The following RSRP1 variants were observed in gnomAD, a reference collection of about 807,000 sequenced individuals.
The protein encoded by RSRP1 is arginine and serine rich protein 1.
A neutral mutation model predicts 33.0 loss-of-function variants in RSRP1; 37 were observed. The ratio of observed to expected loss-of-function variants is 1.12; its 90% CI spans 0.86 to 1.48. RSRP1 has a LOEUF of 1.48. Ranked by LOEUF, RSRP1 falls within the 40% of genes most tolerant of loss-of-function variation. The pLI, the probability that RSRP1 is intolerant of heterozygous loss-of-function variation, is 0.00. For missense variants in RSRP1, 402 were observed against 385.3 expected (o/e 1.04, Z -0.36); for synonymous variants, 167 against 158.7 (o/e 1.05, Z -0.40).
At position 25,283,033 on chromosome 1, in the gene RSRP1, T is replaced by A. The variant is rs539315086; in HGVS notation, c.-66-36004A>T. On this transcript the variant is annotated intron_variant, in intron 1 of 1. Transcript: ENST00000561867. Reference sequence around the variant, plus strand: ...GATCTCTCTCTCTCCAGTCATTTATTCATGTGCGAAAACAGTTGGTGATTA... The same window carrying A: ...GATCTCTCTCTCTCCAGTCATTTATACATGTGCGAAAACAGTTGGTGATTA... 2.5e-4 allele frequency among the ~76,000 whole-genome samples: 34 copies of A among 133,512 alleles called. 9 individuals are homozygous for A. The highest frequency in any genetic ancestry group is 6.8e-4 in the South Asian group (3 of 4,404). 87.6% of individuals were successfully genotyped at this position (133,512 alleles called of 152,430 possible).
intron 1 of RSRP1, among the ~76,000 whole-genome samples, chr1:25,254,410 C>A (rs954229883): frequency 6.7e-6 from 1 of 150,004 alleles, no homozygotes; most frequent in African/African-American, 2.5e-5. Context: ...ATTACAGCCA[C>A]CATATAGAGA....
intron 1 of RSRP1, among the ~76,000 whole-genome samples, chr1:25,333,330 G>T (rs1645040971): frequency 7.7e-6 from 1 of 130,610 alleles, no homozygotes; most frequent in East Asian, 2.0e-4. Context: ...AAAAGTTAAG[G>T]AGAAAGAAGA....
At chr1:25,312,655 T>C (rs1644209176) in intron 1 of RSRP1, among the ~76,000 whole-genome samples, 1 of 126,404 alleles carries the variant, frequency 7.9e-6, no homozygotes, top group South Asian at 2.5e-4. Context: ...GAGGCTGAGG[T>C]GAGAGGATCA....
In RSRP1 at chr1:25,304,603, A is replaced by T. The variant is rs1643653878; in HGVS notation, c.-67+33375T>A. On this transcript the variant is annotated intron_variant, in intron 1 of 1. Coordinates refer to the RSRP1 transcript ENST00000561867. ...ACAGAACAAGACTCTGTCTTAAAAAAAAAAAAAGTGGTTTATATACAGAGT... is the reference window on the plus strand; with the variant it reads ...ACAGAACAAGACTCTGTCTTAAAAATAAAAAAAGTGGTTTATATACAGAGT... The T allele has an allele frequency of 1.5e-5, 2 of 131,336 alleles. 1 individual carries two copies. The highest frequency in any genetic ancestry group is 5.2e-5 in the African/African-American group (2 of 38,136). 8.1% of individuals were successfully genotyped at this position (131,336 alleles called of 1,614,324 possible).
chr1:25,330,634 C>A (rs3927483), intron 1 of RSRP1, among the ~76,000 whole-genome samples: 73,666 of 129,298 alleles, frequency 0.57, 29,923 homozygotes, highest in South Asian at 0.86. Flanking sequence ...TTGAAGCCAC[C>A]CTCCAAACAC....
At chr1:25,304,704 A>G (rs1643661553) in intron 1 of RSRP1, 1 of 132,288 alleles carries the variant, frequency 7.6e-6, no homozygotes, top group African/African-American at 2.6e-5. Flanking sequence ...GGTAATTAAA[A>G]AATAAAATTA....
rs1640557950 is a variant in RSRP1 at position 25,272,418 on chromosome 1, C to A, written c.-66-25389G>T. The A allele has an allele frequency of 5.6e-6, 7 of 1,256,054 alleles. 2 individuals are homozygous for A. The highest frequency in any genetic ancestry group is 3.3e-6 in the Non-Finnish European group (3 of 895,868). The allele number at this position is 1,256,054 out of a possible 1,614,324, so 77.8% of individuals were successfully genotyped here. A position where few individuals can be genotyped will look rare whatever the true frequency, so the allele number is the denominator to read the frequency against. On this transcript the variant is annotated intron_variant, in intron 1 of 1. Coordinates refer to the RSRP1 transcript ENST00000561867. ...AACTCCATAGAGAGGCCAGCACAAC[C>A]AGCCTTGCAGCCTGAGATAAGGCCT...
chr1:25,338,017 C>T (rs1645113505), exon 1 of RSRP1: 3 of 152,604 alleles, frequency 2.0e-5, no homozygotes, highest in African/African-American at 7.2e-5. Flanking sequence ...TCCTGCCACC[C>T]ACCCCTGAGA....
chr1:25,242,689 G>A lies in RSRP1; in HGVS notation c.773C>T (p.Pro258Leu), dbSNP rs1638944187. The A allele has an allele frequency of 6.2e-7, 1 of 1,605,816 alleles. No individual in the cohort carries two copies. The highest frequency in any genetic ancestry group is 2.2e-5 in the East Asian group (1 of 44,836). ...AFSSNNSVAK[P>L]IQKSAKAATE... ...GGCAGCTTTAGCTGATTTTTGTATT[G>A]GCTTTGCTACAGAATTCTGTAAAAG... The change falls in exon 5 of 5, where the codon CCA (proline) becomes CTA (leucine). Residue 258 changes from proline to leucine, a missense_variant. Coordinates refer to ENST00000243189, the MANE Select transcript of RSRP1 (RefSeq NM_020317.5).
chr1:25,245,417 C>T, intron 2 of RSRP1, 116 bp from the exon 3 acceptor site: 2 of 1,344,586 alleles, frequency 1.5e-6, no homozygotes, highest in Non-Finnish European at 2.0e-6. Context: ...TATTAAGTCA[C>T]TTGTTTTATA....
At position 25,322,393 on chromosome 1, in the gene RSRP1, C is replaced by T. The variant is rs142997120; in HGVS notation, c.-67+15585G>A. On this transcript the variant is annotated intron_variant, in intron 1 of 1. Coordinates refer to the RSRP1 transcript ENST00000561867. The stretch of plus-strand genomic sequence containing the variant: ...TGACTTATCAAGATCTTACAACTGG[C>T]TGGGCACGGTGGCTCACGCCTGTGA... Among the ~76,000 whole-genome samples, 166 of 133,282 alleles carry T rather than the reference C, an allele frequency of 1.2e-3. 45 individuals are homozygous for T. Among genetic ancestry groups the T allele is most frequent in the Non-Finnish European group, 2.7e-3 (149 of 56,046 alleles). The allele number at this position is 133,282 out of a possible 152,430, so 87.4% of individuals were successfully genotyped here.
At chr1:25,247,625 G>A (rs1431642549), upstream of RSRP1, 1 of 152,298 alleles carries the variant, frequency 6.6e-6, no homozygotes, top group Non-Finnish European at 1.5e-5. Flanking sequence ...GTGCGCATGC[G>A]CGATGGGGCT....
At position 25,307,403 on chromosome 1, in the gene RSRP1, T is replaced by C. The variant is rs1643905324; in HGVS notation, c.-67+30575A>G. Among the ~76,000 whole-genome samples the C allele has an allele frequency of 1.5e-5, 2 of 131,876 alleles. 1 individual carries two copies. The highest frequency in any genetic ancestry group is 5.2e-5 in the African/African-American group (2 of 38,324). 86.5% of individuals were successfully genotyped at this position (131,876 alleles called of 152,430 possible). ...ATGTTGTGTGAATATTTTCTGGACA[T>C]GGCTTATATAAAATGAAAAAGTGAA... On this transcript the variant is annotated intron_variant, in intron 1 of 1. Transcript: ENST00000561867.
At chr1:25,251,751 G>A (rs1030502393), upstream of RSRP1, among the ~76,000 whole-genome samples, 5 of 152,070 alleles carry the variant, frequency 3.3e-5, no homozygotes, top group East Asian at 5.8e-4. Context: ...ACAAGCTAAC[G>A]ATCATTCCCT....
chr1:25,296,970 T>G lies in RSRP1; in HGVS notation c.-67+41008A>C, dbSNP rs112588553. Among the ~76,000 whole-genome samples, 81 of 131,706 alleles carry G rather than the reference T, an allele frequency of 6.2e-4. 3 individuals carry two copies. The highest frequency in any genetic ancestry group is 1.9e-3 in the African/African-American group (73 of 38,070). The allele number at this position is 131,706 out of a possible 152,430, so 86.4% of individuals were successfully genotyped here. The stretch of plus-strand genomic sequence containing the variant: ...GGGGACATTCTCTTACATAACCTTT[T>G]TTCAGTTAACAAAAATGAGAAATTG... On this transcript the variant is annotated intron_variant, in intron 1 of 1. Transcript: ENST00000561867.
intron 1 of RSRP1, among the ~76,000 whole-genome samples, chr1:25,258,364 G>C (rs1640013679): frequency 6.6e-6 from 1 of 152,076 alleles, no homozygotes; most frequent in Non-Finnish European, 1.5e-5. Flanking sequence ...ATTTTTTGTA[G>C]AGATTGGGTT....
intron 1 of RSRP1, among the ~76,000 whole-genome samples, chr1:25,277,820 A>G (rs1316801581): frequency 8.1e-6 from 1 of 123,718 alleles, no homozygotes; most frequent in Admixed American, 7.9e-5. Flanking sequence ...GATTACAGGC[A>G]TGCGCCACCA....
chr1:25,246,502 C>G lies in RSRP1; in HGVS notation c.462G>C (p.Trp154Cys). The change falls in exon 2 of 5, where the codon TGG (tryptophan) becomes TGC (cysteine). Residue 154 changes from tryptophan to cysteine, a missense_variant. Trp to Cys is a radical substitution (Grantham distance 215, BLOSUM62 -2). Transcript: ENST00000243189. ...GCGACCTCGTCCTGGATCTGTCCCT[C>G]CATCTGCTGTGCTCCTCCGGGTACA... ...RTVYPEEHSR[W>C]RDRSRTRSRS... 1 of 1,614,264 alleles carries G rather than the reference C, an allele frequency of 6.2e-7. No individual in the cohort carries two copies. Among genetic ancestry groups the G allele is most frequent in the East Asian group, 2.2e-5 (1 of 44,886 alleles).
rs1473310680 is a variant in RSRP1, at chr1:25,321,083, G to A, written c.-67+16895C>T. ...AAATCAAAGACACTTAAAAAGATGG[G>A]GAAAAGGAAGGACAGGCACTTAAGC... On this transcript the variant is annotated intron_variant, in intron 1 of 1. Coordinates refer to the RSRP1 transcript ENST00000561867. Among the ~76,000 whole-genome samples the A allele has an allele frequency of 1.5e-4, 19 of 130,280 alleles. 4 individuals carry two copies. The highest frequency in any genetic ancestry group is 1.4e-3 in the Admixed American group (19 of 13,236). The allele number at this position is 130,280 out of a possible 152,430, so 85.5% of individuals were successfully genotyped here.
Sources: gnomAD v4.1 joint callset for allele counts (sites outside exome capture counted in the v4.1 genomes callset) on GRCh38, gnomAD v4.1.1 for gene constraint, MANE v1.5 for transcripts, NCBI Gene and HGNC (gene_info 2026-07-23, HGNC 2026-07-21) for gene names.